Variants in ANK2 observed in about 807,000 individuals in gnomAD.
The protein encoded by ANK2 is ankyrin 2, also known as ankyrin-2.
ANK2 carries 83 observed loss-of-function variants against 360.5 expected under a neutral mutation model. The observed-to-expected ratio is 0.23, with a 90% CI of 0.19 to 0.28. The LOEUF (loss-of-function observed/expected upper bound fraction) is 0.28, where lower values mean the gene tolerates loss of function less well. Ranked by LOEUF, ANK2 falls within the 10% of genes least tolerant of loss-of-function variation. The pLI, the probability that ANK2 is intolerant of heterozygous loss-of-function variation, is 1.00. For missense variants in ANK2, 4,201 were observed against 4,795.7 expected, an observed-to-expected ratio of 0.88 and a Z score of 3.66; for synonymous variants, 1,740 against 1,759.5, an observed-to-expected ratio of 0.99 and a Z score of 0.28.
chr4:113,279,154 A>G (rs1438956501), intron 17 of ANK2, among the ~76,000 whole-genome samples: 1 of 152,080 alleles, frequency 6.6e-6, no homozygotes, highest in Non-Finnish European at 1.5e-5. Context: ...CCCTTATTAC[A>G]CTGAAAATAT....
chr4:112,917,283 T>C (rs2090152867), intron 2 of ANK2, among the ~76,000 whole-genome samples: 1 of 152,244 alleles, frequency 6.6e-6, no homozygotes, highest in Non-Finnish European at 1.5e-5. Context: ...CCTTTTCATA[T>C]TACATCCTGG....
chr4:113,331,223 T>A (rs563644469), intron 27 of ANK2, among the ~76,000 whole-genome samples: 1 of 152,342 alleles, frequency 6.6e-6, no homozygotes, highest in South Asian at 2.1e-4. Context: ...CAATTGTATT[T>A]AAGTCTTGGT....
chr4:113,378,569 A>T (rs117574685), intron 45 of ANK2, among the ~76,000 whole-genome samples: 1 of 152,360 alleles, frequency 6.6e-6, no homozygotes, highest in East Asian at 1.9e-4. Flanking sequence ...ATTCAGCTCA[A>T]TCTTAGTAAA....
At chr4:113,207,707 G>T (rs201501744) in intron 4 of ANK2, among the ~76,000 whole-genome samples, 36 of 107,232 alleles carry the variant, frequency 3.4e-4, no homozygotes, top group African/African-American at 1.1e-3. Context: ...AAAAAAAAAA[G>T]AAGAAGTAAA....
chr4:112,964,408 C>A (rs1424084904), intron 2 of ANK2, among the ~76,000 whole-genome samples: 1 of 151,596 alleles, frequency 6.6e-6, no homozygotes, highest in Non-Finnish European at 1.5e-5. Flanking sequence ...TTAACATCCA[C>A]AAATAAGTGA....
intron 1 of ANK2, among the ~76,000 whole-genome samples, chr4:113,097,875 TGC>T (rs35931961): frequency 0.22 from 24,267 of 109,028 alleles, 2,463 homozygotes; most frequent in East Asian, 0.47. Flanking sequence ...TGTATATATA[TGC>T]ACACACACAC....
At position 113,356,718 on chromosome 4, in the gene ANK2, C is replaced by T. The variant is rs1402291910; in HGVS notation, c.8100C>T (p.Asp2700=). Residue 2700 remains aspartate, a synonymous_variant, in exon 38 of 46, where the codon GAC becomes GAT. Coordinates refer to ENST00000357077, the MANE Select transcript of ANK2 (RefSeq NM_001148.6). ...QPPSPLPSSM[D]SNSSPEEVQF... ...CTTCTCCACTTCCATCAAGCATGGA[C>T]TCCAATTCCAGTCCAGAAGAAGTAC... 3 of 1,614,114 alleles carry T rather than the reference C, an allele frequency of 1.9e-6. 1 individual carries two copies. Among genetic ancestry groups the T allele is most frequent in the African/African-American group, 2.7e-5 (2 of 75,036 alleles).
intron 1 of ANK2, among the ~76,000 whole-genome samples, chr4:113,166,465 A>G (rs1331909295): frequency 6.6e-6 from 1 of 152,094 alleles, no homozygotes; most frequent in Non-Finnish European, 1.5e-5. Context: ...ATATGCATAC[A>G]TACATAAGCA....
intron 1 of ANK2, among the ~76,000 whole-genome samples, chr4:113,159,256 TA>T (rs1448133766): frequency 2.0e-5 from 3 of 151,762 alleles, no homozygotes; most frequent in Non-Finnish European, 4.4e-5. Flanking sequence ...TACAGGTAGA[TA>T]TTTGTGTAAA....
rs116702061 is a variant in ANK2 at position 113,149,921 on chromosome 4, G to A, written c.85-24495G>A. Among the ~76,000 whole-genome samples, 812 of 114,142 alleles carry A rather than the reference G, an allele frequency of 7.1e-3. 9 individuals carry two copies. The highest frequency in any genetic ancestry group is 0.025 in the African/African-American group (742 of 29,444). 74.9% of individuals were successfully genotyped at this position (114,142 alleles called of 152,430 possible). ...AAAAAGAAAGATTGAAAGAAGAGAA[G>A]ACATGACTTTCATTCTCTAGGAACT... On this transcript the variant is annotated intron_variant, in intron 1 of 45. Coordinates refer to ENST00000357077, the MANE Select transcript of ANK2 (RefSeq NM_001148.6).
chr4:113,219,309 A>G (rs1170878312), intron 4 of ANK2, among the ~76,000 whole-genome samples: 1 of 152,106 alleles, frequency 6.6e-6, no homozygotes, highest in Non-Finnish European at 1.5e-5. Flanking sequence ...TGACATTTAG[A>G]CATTTTCATT....
chr4:113,150,028 G>A (rs536169191), intron 1 of ANK2, among the ~76,000 whole-genome samples: 7 of 152,028 alleles, frequency 4.6e-5, no homozygotes, highest in East Asian at 2.0e-4. Context: ...CTGGCTGCAC[G>A]AGTGTTGAAA....
intron 1 of ANK2, among the ~76,000 whole-genome samples, chr4:113,103,317 A>G (rs531946068): frequency 6.6e-6 from 1 of 152,286 alleles, no homozygotes; most frequent in South Asian, 2.1e-4. Flanking sequence ...AAACATTCAT[A>G]TAAGAAAAGC....
At chr4:113,098,513 C>T (rs937936461) in intron 1 of ANK2, among the ~76,000 whole-genome samples, 6 of 152,000 alleles carry the variant, frequency 3.9e-5, no homozygotes, top group African/African-American at 9.7e-5. Context: ...ATCTGTAAGT[C>T]TGTATCTATG....
At chr4:112,743,498 ATTCC>A in the ANK2 span, among the ~76,000 whole-genome samples, 15 of 134,634 alleles carry the variant, frequency 1.1e-4, no homozygotes, top group Non-Finnish European at 1.8e-4. Context: ...TCTCTCCTTC[ATTCC>A]TTCCTTCCTT....
intron 1 of ANK2, among the ~76,000 whole-genome samples, chr4:112,866,103 C>T (rs1425540277): frequency 3.9e-5 from 6 of 152,146 alleles, no homozygotes; most frequent in African/African-American, 1.2e-4. Context: ...GCTATCTTTT[C>T]GGCTGAGGTG....
chr4:112,803,225 C>A, the ANK2 span, among the ~76,000 whole-genome samples: 3 of 152,106 alleles, frequency 2.0e-5, no homozygotes, highest in African/African-American at 7.2e-5. Flanking sequence ...CTCAAGGTAT[C>A]AGGTCCTAAT....
chr4:113,350,135 G>T (rs2095307875), intron 36 of ANK2, 93 bp from the exon 37 acceptor site: 4 of 1,159,546 alleles, frequency 3.4e-6, no homozygotes, highest in Non-Finnish European at 5.1e-6. Flanking sequence ...CACCCAACAT[G>T]TATAATTATG....
chr4:112,852,743 G>C (rs531813208), intron 1 of ANK2, among the ~76,000 whole-genome samples: 1 of 151,808 alleles, frequency 6.6e-6, no homozygotes, highest in African/African-American at 2.4e-5. Flanking sequence ...CCTTTTCTTC[G>C]GTGAATCCCA....
Sources: allele counts gnomAD v4.1 joint callset (sites outside exome capture counted in the v4.1 genomes callset), GRCh38; gene constraint gnomAD v4.1.1; transcripts MANE v1.5; gene names NCBI Gene and HGNC (gene_info 2026-07-23, HGNC 2026-07-21).